PIGK: variants seen among roughly 807,000 people sequenced by gnomAD.
PIGK encodes the protein phosphatidylinositol glycan anchor biosynthesis class K, also known as GPI-anchor transamidase.
In PIGK, 42 loss-of-function variants were observed where a neutral mutation model predicts 50.6. The ratio of observed to expected loss-of-function variants is 0.83; its 90% CI spans 0.65 to 1.07. The LOEUF (loss-of-function observed/expected upper bound fraction) is 1.07, where lower values mean the gene tolerates loss of function less well. Among genes scored for constraint, PIGK ranks in the 50% least tolerant of loss-of-function variants. The pLI is 0.00. For synonymous variants in PIGK, 151 were observed against 156.0 expected (o/e 0.97, Z 0.24); for missense variants, 448 against 488.7 (o/e 0.92, Z 0.78).
intron 3 of PIGK, among the ~76,000 whole-genome samples, chr1:77,177,710 G>T (rs912558318): frequency 6.6e-6 from 1 of 152,074 alleles, no homozygotes; most frequent in African/African-American, 2.4e-5. Context: ...GCTGAGTTAG[G>T]ATCTCCCCGA....
rs577553126 is a variant in PIGK, at chr1:77,204,927, C to A, written c.239+1713G>T. On this transcript the variant is annotated intron_variant, in intron 3 of 10. Transcript: ENST00000370812. ...TTAAATAACAAATGGCTTAAATCAC[C>A]AACTGTTTAAATCCTTAATTACCCC... Among the ~76,000 whole-genome samples the A allele has an allele frequency of 5.0e-4, 76 of 152,140 alleles. 1 individual carries two copies. Among genetic ancestry groups the A allele is most frequent in the African/African-American group, 1.7e-3 (69 of 41,508 alleles).
At chr1:77,103,133 T>C (rs1006672363) in intron 10 of PIGK, among the ~76,000 whole-genome samples, 2 of 152,216 alleles carry the variant, frequency 1.3e-5, no homozygotes, top group Non-Finnish European at 2.9e-5. Flanking sequence ...CCTAATTGTA[T>C]CACATTATGA....
chr1:77,167,109 G>C (rs899153945), intron 4 of PIGK, among the ~76,000 whole-genome samples: 1 of 152,170 alleles, frequency 6.6e-6, no homozygotes, highest in Non-Finnish European at 1.5e-5. Flanking sequence ...TGTGAGGCAA[G>C]GCAAGAGGAC....
At chr1:77,214,985 G>A (rs189163130) in intron 1 of PIGK, among the ~76,000 whole-genome samples, 3 of 152,124 alleles carry the variant, frequency 2.0e-5, no homozygotes, top group African/African-American at 7.2e-5. Flanking sequence ...AAATATTGAT[G>A]GAAAATGAAG....
At chr1:77,124,879 T>C (rs750701454) in intron 9 of PIGK, among the ~76,000 whole-genome samples, 17 of 152,220 alleles carry the variant, frequency 1.1e-4, no homozygotes, top group Admixed American at 2.6e-4. Flanking sequence ...GTGCAAATGA[T>C]GTATTTTTGT....
rs536770726 is a variant in PIGK, at chr1:77,136,786, C to T, written c.987-14427G>A. On this transcript the variant is annotated intron_variant, in intron 9 of 10. Transcript: ENST00000370812. ...TCTATATTTTCTTCTCCCTGGAACT[C>T]TAATTAGACATAGCTAACAGTTTCC... Among the ~76,000 whole-genome samples the T allele has an allele frequency of 7.9e-5, 12 of 152,304 alleles. No individual in the cohort carries two copies. The East Asian group carries it at 2.3e-3, about 29-fold the overall frequency.
intron 4 of PIGK, 76 bp downstream of exon 4, chr1:77,169,184 A>T: frequency 1.0e-6 from 1 of 954,486 alleles, no homozygotes; most frequent in South Asian, 2.4e-5. Flanking sequence ...TAATAAGACA[A>T]TTTTATTCTG....
At chr1:77,213,933 GA>G (rs34193405) in intron 1 of PIGK, among the ~76,000 whole-genome samples, 25,941 of 152,076 alleles carry the variant, frequency 0.17, 3,739 homozygotes, top group African/African-American at 0.39. Flanking sequence ...GGAAAATCTA[GA>G]AGAAATGGAT....
At chr1:77,163,775 T>C (rs1655177593) in intron 6 of PIGK, 71 bp downstream of exon 6, 6 of 801,664 alleles carry the variant, frequency 7.5e-6, no homozygotes, top group Non-Finnish European at 1.2e-5. Flanking sequence ...AAAATAAAAA[T>C]TACAAATCTA....
At chr1:77,194,159 C>T (rs1655975910) in intron 3 of PIGK, among the ~76,000 whole-genome samples, 1 of 152,062 alleles carries the variant, frequency 6.6e-6, no homozygotes, top group Non-Finnish European at 1.5e-5. Context: ...GTCAGAATGA[C>T]TATTATGAAG....
rs1300082397 is a variant in PIGK at position 77,090,106 on chromosome 1, T to G, written c.*2268A>C. On this transcript the variant is annotated 3_prime_UTR_variant, in exon 11 of 11. Coordinates refer to ENST00000370812, the MANE Select transcript of PIGK (RefSeq NM_005482.3). ...CATATATTTACAATTTCAGAAGTGT[T>G]TAGTCAAAATACTATCTCATCTGAT... 1 of 152,220 alleles carries G rather than the reference T, an allele frequency of 6.6e-6. No homozygotes were observed. The highest frequency in any genetic ancestry group is 1.5e-5 in the Non-Finnish European group (1 of 68,042). 9.4% of individuals were successfully genotyped at this position (152,220 alleles called of 1,614,324 possible). A position where few individuals can be genotyped will look rare whatever the true frequency, so the allele number is the denominator to read the frequency against.
chr1:77,209,864 T>C (rs932418866), intron 2 of PIGK, among the ~76,000 whole-genome samples: 4 of 152,092 alleles, frequency 2.6e-5, no homozygotes, highest in Non-Finnish European at 4.4e-5. Flanking sequence ...TATATCTTTA[T>C]GCTTATATAT....
At chr1:77,201,593 C>T (rs1368311829) in intron 3 of PIGK, among the ~76,000 whole-genome samples, 4 of 151,858 alleles carry the variant, frequency 2.6e-5, no homozygotes, top group Non-Finnish European at 5.9e-5. Flanking sequence ...AACCTTGTCT[C>T]TATTAAAAAT....
chr1:77,120,869 C>CA (rs971636332), intron 10 of PIGK, among the ~76,000 whole-genome samples: 4 of 151,936 alleles, frequency 2.6e-5, no homozygotes, highest in Non-Finnish European at 4.4e-5. Context: ...CTTGTACTGC[C>CA]AAAAAAATCA....
At chr1:77,097,512 A>G (rs1653443732) in intron 10 of PIGK, among the ~76,000 whole-genome samples, 1 of 152,202 alleles carries the variant, frequency 6.6e-6, no homozygotes. Flanking sequence ...CAGTTAATGT[A>G]ATCTAGAAAA....
intron 3 of PIGK, among the ~76,000 whole-genome samples, chr1:77,198,212 T>A (rs888628136): frequency 6.6e-6 from 1 of 152,092 alleles, no homozygotes; most frequent in Non-Finnish European, 1.5e-5. Flanking sequence ...TTCTTTATTA[T>A]TACATTTATT....
chr1:77,217,647 G>A (rs1371866615), intron 1 of PIGK, among the ~76,000 whole-genome samples: 2 of 152,066 alleles, frequency 1.3e-5, no homozygotes, highest in African/African-American at 4.8e-5. Flanking sequence ...AAAAAACAAC[G>A]ACTCAAGGCA....
At chr1:77,191,716 A>G (rs938975139) in intron 3 of PIGK, among the ~76,000 whole-genome samples, 1 of 152,234 alleles carries the variant, frequency 6.6e-6, no homozygotes, top group Non-Finnish European at 1.5e-5. Context: ...CATCACTTTT[A>G]TCATTTTCTT....
At chr1:77,152,983 T>A (rs764588154) in intron 9 of PIGK, among the ~76,000 whole-genome samples, 1 of 152,044 alleles carries the variant, frequency 6.6e-6, no homozygotes, top group Non-Finnish European at 1.5e-5. Flanking sequence ...AAAATAAAAC[T>A]ACCATATGAT....
Sources: allele counts gnomAD v4.1 joint callset (sites outside exome capture counted in the v4.1 genomes callset), GRCh38; gene constraint gnomAD v4.1.1; transcripts MANE v1.5; gene names NCBI Gene and HGNC (gene_info 2026-07-23, HGNC 2026-07-21).